Variants in GMNC observed in about 807,000 individuals in gnomAD.
GMNC encodes geminin coiled-coil domain containing.
Under a neutral mutation model 33.6 loss-of-function variants are expected in GMNC, and 16 were observed. The ratio of observed to expected loss-of-function variants is 0.48; its 90% confidence interval spans 0.32 to 0.72. GMNC has a LOEUF of 0.72. Among genes scored for constraint, GMNC ranks in the 30% least tolerant of loss-of-function variants. GMNC has a pLI of 0.03. For missense variants in GMNC, 393 were observed against 388.9 expected, an observed-to-expected ratio of 1.01 and a Z score of -0.09; for synonymous variants, 156 against 147.3, an observed-to-expected ratio of 1.06 and a Z score of -0.43.
the GMNC span, among the ~76,000 whole-genome samples, chr3:190,847,574 G>T: frequency 1.3e-5 from 2 of 152,154 alleles, no homozygotes; most frequent in Non-Finnish European, 2.9e-5. Flanking sequence ...CTTGAAAAAT[G>T]TTGGGAATCC....
Position 190,853,374 on chromosome 3 carries a change from A to C in GMNC, c.*1921T>G, listed in dbSNP as rs765139301. ...CACCGACCAGGGGCCCAGATACCAG[A>C]ATGTAAAAGGCACAGTTATTTATTT... On this transcript the variant is annotated 3_prime_UTR_variant, in exon 5 of 5. Coordinates refer to ENST00000442080, the MANE Select transcript of GMNC (RefSeq NM_001146686.3). 1.3e-5 allele frequency: 2 copies of C among 152,152 alleles called. No individual in the cohort carries two copies. The highest frequency in any genetic ancestry group is 2.9e-5 in the Non-Finnish European group (2 of 67,988). The allele number at this position is 152,152 out of a possible 1,614,324, so 9.4% of individuals were successfully genotyped here.
intron 3 of GMNC, among the ~76,000 whole-genome samples, chr3:190,858,282 G>A (rs1737789951): frequency 6.6e-6 from 1 of 152,036 alleles, no homozygotes; most frequent in Non-Finnish European, 1.5e-5. Flanking sequence ...AAAAAATAGA[G>A]GTGGGTCGCC....
rs1159925631 is a variant in GMNC, at chr3:190,854,676, G to T, written c.*619C>A. On this transcript the variant is annotated 3_prime_UTR_variant, in exon 5 of 5. Coordinates refer to ENST00000442080, the MANE Select transcript of GMNC (RefSeq NM_001146686.3). ...TTTATCTGTGATATTGATTATTAGT[G>T]GAGTTACAGTTGTTTTAAGAGGCTT... 1 of 152,402 alleles carries T rather than the reference G, an allele frequency of 6.6e-6. No homozygotes were observed. Among genetic ancestry groups the T allele is most frequent in the Non-Finnish European group, 1.5e-5 (1 of 68,238 alleles). The allele number at this position is 152,402 out of a possible 1,614,324, so 9.4% of individuals were successfully genotyped here.
intron 4 of GMNC, among the ~76,000 whole-genome samples, chr3:190,856,856 A>T (rs1737757752): frequency 6.6e-6 from 1 of 151,924 alleles, no homozygotes; most frequent in Non-Finnish European, 1.5e-5. Context: ...TTAGTAATAT[A>T]ATAAGTGTCC....
chr3:190,844,907 C>T, the GMNC span, among the ~76,000 whole-genome samples: 3 of 152,094 alleles, frequency 2.0e-5, no homozygotes, highest in African/African-American at 7.2e-5. Flanking sequence ...ACTTTGTTAT[C>T]TGCAATATGT....
At chr3:190,851,345 A>T (rs947488906), downstream of GMNC, among the ~76,000 whole-genome samples, 1 of 152,194 alleles carries the variant, frequency 6.6e-6, no homozygotes, top group African/African-American at 2.4e-5. Flanking sequence ...GGTTTCTGTC[A>T]TGCTTTTGTA....
chr3:190,857,577 A>C (rs143268457), intron 4 of GMNC, among the ~76,000 whole-genome samples: 1 of 152,198 alleles, frequency 6.6e-6, no homozygotes, highest in Admixed American at 6.5e-5. Context: ...CTTTTGTAAC[A>C]TAAGACTGAC....
In GMNC at chr3:190,858,546, A is replaced by C. The variant is rs542018880; in HGVS notation, c.267+382T>G. ...CTTAGGAAAATATTTTATAATCATT[A>C]TGTCTTCTCCAAGTATTAGCTATGC... On this transcript the variant is annotated intron_variant, in intron 3 of 4. Coordinates refer to ENST00000442080, the MANE Select transcript of GMNC (RefSeq NM_001146686.3). 3.9e-5 allele frequency among the ~76,000 whole-genome samples: 6 copies of C among 152,328 alleles called. No individual in the cohort carries two copies. The East Asian group carries it at 1.2e-3, about 29-fold the overall frequency.
chr3:190,850,662 T>A (rs1176763610), downstream of GMNC, among the ~76,000 whole-genome samples: 2 of 152,214 alleles, frequency 1.3e-5, no homozygotes, highest in African/African-American at 4.8e-5. Flanking sequence ...TCCTCACCCT[T>A]CTGTGTGTCC....
In GMNC at chr3:190,861,979, TAAGTC is replaced by T. The variant is rs1466466314; in HGVS notation, c.3+629_3+633del. 6.6e-6 allele frequency among the ~76,000 whole-genome samples: 1 copy of T among 151,888 alleles called. No individual in the cohort carries two copies. Among genetic ancestry groups the T allele is most frequent in the African/African-American group, 2.4e-5 (1 of 41,364 alleles). ...AAGAAGAAAAAAGAGAAAAAAAAGTTAAGTCAATTCAATCGCACTTTGTTAATGTT... is the reference window on the plus strand; with the variant it reads ...AAGAAGAAAAAAGAGAAAAAAAAGTTAATTCAATCGCACTTTGTTAATGTT... On this transcript the variant is annotated intron_variant, in intron 1 of 4. Transcript: ENST00000442080. The surrounding 1 kb of genome is among the most constrained non-coding windows in gnomAD (Gnocchi z 5.1).
At chr3:190,850,251 T>C (rs1414555012), downstream of GMNC, among the ~76,000 whole-genome samples, 1 of 152,192 alleles carries the variant, frequency 6.6e-6, no homozygotes, top group Non-Finnish European at 1.5e-5. Context: ...ATCTCTGAGA[T>C]TTGTAATAGT....
the GMNC span, among the ~76,000 whole-genome samples, chr3:190,844,924 T>G: frequency 6.6e-6 from 1 of 152,192 alleles, no homozygotes; most frequent in South Asian, 2.1e-4. Flanking sequence ...ATGTAGGAGA[T>G]TCTCTTTTCC....
chr3:190,859,976 T>A (rs1737826746), intron 2 of GMNC, among the ~76,000 whole-genome samples: 1 of 152,238 alleles, frequency 6.6e-6, no homozygotes, highest in Non-Finnish European at 1.5e-5. Context: ...TTAAGTGTGC[T>A]TTTAATATTT....
At chr3:190,847,665 A>G in the GMNC span, among the ~76,000 whole-genome samples, 13 of 152,242 alleles carry the variant, frequency 8.5e-5, no homozygotes, top group East Asian at 9.7e-4. Flanking sequence ...AGGAAAAAAG[A>G]TTACATTCCC....
downstream of GMNC, among the ~76,000 whole-genome samples, chr3:190,850,281 G>A (rs1372726273): frequency 6.6e-6 from 1 of 152,206 alleles, no homozygotes; most frequent in Non-Finnish European, 1.5e-5. Flanking sequence ...CCTGTTGACT[G>A]TAAGCATATT....
Position 190,860,802 on chromosome 3 carries a change from G to A in GMNC, c.60C>T (p.Cys20=), listed in dbSNP as rs1244031480. 4 of 1,551,306 alleles carry A rather than the reference G, an allele frequency of 2.6e-6. No homozygotes were observed. Among genetic ancestry groups the A allele is most frequent in the Non-Finnish European group, 3.5e-6 (4 of 1,146,868 alleles). ...ATTCTGACGTTGTAGTGGAATACGG[G>A]CAATTATAGCTCTGGCCTCCTACAA... is the stretch of plus-strand genomic sequence containing the variant. ...QYFVGGQSYN[C]PYSTTTSESS... is the part of the protein sequence containing the mutation. The change falls in exon 2 of 5, where the codon TGC becomes TGT. Residue 20 remains cysteine, a synonymous_variant. Transcript: ENST00000442080.
At position 190,861,526 on chromosome 3, in the gene GMNC, A is replaced by G. The variant is rs149870003; in HGVS notation, c.4-668T>C. Reference sequence around the variant, plus strand: ...TCTATCTATCTCTGTCCCAGAGATAATTAAAACATTTTGCTCCCAACACTA... The same window carrying G: ...TCTATCTATCTCTGTCCCAGAGATAGTTAAAACATTTTGCTCCCAACACTA... On this transcript the variant is annotated intron_variant, in intron 1 of 4. Coordinates refer to ENST00000442080, the MANE Select transcript of GMNC (RefSeq NM_001146686.3). The surrounding 1 kb of genome is among the most constrained non-coding windows in gnomAD (Gnocchi z 5.1). Among the ~76,000 whole-genome samples, 1 of 151,622 alleles carries G rather than the reference A, an allele frequency of 6.6e-6. No homozygotes were observed. The highest frequency in any genetic ancestry group is 1.9e-4 in the East Asian group (1 of 5,162).
chr3:190,862,066 T>G lies in GMNC; in HGVS notation c.3+547A>C, dbSNP rs940326443. Among the ~76,000 whole-genome samples, 3 of 152,180 alleles carry G rather than the reference T, an allele frequency of 2.0e-5. No individual in the cohort carries two copies. The highest frequency in any genetic ancestry group is 6.5e-5 in the Admixed American group (1 of 15,274). ...TCTGAAGCAAGTCCAGCTTGGGCAG[T>G]GCAGACCAAAGAAATTCAGCCAAAA... On this transcript the variant is annotated intron_variant, in intron 1 of 4. Transcript: ENST00000442080. This position sits in a 1 kb window ranked among gnomAD's most constrained non-coding sequence, Gnocchi z 4.5.
At chr3:190,850,027 T>C (rs1197385481), downstream of GMNC, among the ~76,000 whole-genome samples, 1 of 152,238 alleles carries the variant, frequency 6.6e-6, no homozygotes, top group Non-Finnish European at 1.5e-5. Flanking sequence ...TTTGAATTTT[T>C]TTGTTTAAGA....
Sources: gnomAD v4.1 joint callset for allele counts (sites outside exome capture counted in the v4.1 genomes callset) on GRCh38, gnomAD v4.1.1 for gene constraint, Gnocchi (gnomAD v3.1) non-coding constraint, MANE v1.5 for transcripts, NCBI Gene and HGNC (gene_info 2026-07-23, HGNC 2026-07-21) for gene names.